The following SLC39A11 variants were observed in gnomAD, a reference collection of about 807,000 sequenced individuals.
SLC39A11 encodes solute carrier family 39 member 11.
A neutral mutation model predicts 36.1 loss-of-function variants in SLC39A11; 33 were observed. The ratio of observed to expected loss-of-function variants is 0.91; its 90% confidence interval spans 0.69 to 1.22. The LOEUF is 1.22. Among genes scored for constraint, SLC39A11 ranks in the 50% most tolerant of loss-of-function variants. SLC39A11 has a pLI of 0.00. For missense variants in SLC39A11, 432 were observed against 430.3 expected, an observed-to-expected ratio of 1.00 and a Z score of -0.03; for synonymous variants, 166 against 170.3, an observed-to-expected ratio of 0.97 and a Z score of 0.20.
chr17:72,931,179 G>A (rs1002736298), intron 5 of SLC39A11, among the ~76,000 whole-genome samples: 5 of 152,220 alleles, frequency 3.3e-5, no homozygotes, highest in Admixed American at 3.3e-4. Flanking sequence ...GAGAGGTACA[G>A]AGAGAGCTGC....
intron 7 of SLC39A11, among the ~76,000 whole-genome samples, chr17:72,708,025 T>C (rs987324746): frequency 6.6e-6 from 1 of 152,226 alleles, no homozygotes; most frequent in African/African-American, 2.4e-5. Flanking sequence ...GCCAAGTCCA[T>C]TGTACAGAAC....
intron 7 of SLC39A11, among the ~76,000 whole-genome samples, chr17:72,700,161 A>G (rs1399997122): frequency 6.6e-6 from 1 of 152,228 alleles, no homozygotes; most frequent in Non-Finnish European, 1.5e-5. Context: ...GGAGATGGGC[A>G]AAGTTTGGGT....
chr17:72,803,771 C>T (rs1447173998), intron 6 of SLC39A11, among the ~76,000 whole-genome samples: 2 of 152,124 alleles, frequency 1.3e-5, no homozygotes, highest in Non-Finnish European at 2.9e-5. Flanking sequence ...CCCTTCATCC[C>T]CTAGGCCTAA....
intron 5 of SLC39A11, 144 bp downstream of exon 5, chr17:72,947,608 G>A: frequency 2.5e-6 from 3 of 1,211,466 alleles, no homozygotes; most frequent in Non-Finnish European, 3.6e-6. Flanking sequence ...GCTCCATGCA[G>A]TAGTAGGGTG....
intron 6 of SLC39A11, among the ~76,000 whole-genome samples, chr17:72,749,272 G>A (rs185238099): frequency 1.3e-5 from 2 of 152,306 alleles, no homozygotes; most frequent in Admixed American, 1.3e-4. Context: ...AAGCCGTGGT[G>A]TAGAAAAGCT....
intron 3 of SLC39A11, among the ~76,000 whole-genome samples, chr17:73,038,087 G>C (rs2058982140): frequency 6.6e-6 from 1 of 151,956 alleles, no homozygotes; most frequent in African/African-American, 2.4e-5. Flanking sequence ...AGCCAGACAT[G>C]GTGGCACACA....
chr17:72,789,036 A>C (rs1189474838), intron 6 of SLC39A11, among the ~76,000 whole-genome samples: 5 of 151,896 alleles, frequency 3.3e-5, no homozygotes, highest in Non-Finnish European at 4.4e-5. Context: ...AGAGAGGACA[A>C]AGGCTTTTTT....
intron 4 of SLC39A11, among the ~76,000 whole-genome samples, chr17:73,012,462 G>A (rs563013704): frequency 2.7e-4 from 41 of 151,600 alleles, no homozygotes; most frequent in African/African-American, 8.2e-4. Context: ...ACAAAGGATC[G>A]ACTGAATAAG....
intron 5 of SLC39A11, among the ~76,000 whole-genome samples, chr17:72,878,358 C>T (rs890556814): frequency 6.6e-6 from 1 of 152,148 alleles, no homozygotes; most frequent in African/African-American, 2.4e-5. Flanking sequence ...AAAAAGACAG[C>T]CCATTAGGGT....
chr17:73,015,401 T>C lies in SLC39A11; in HGVS notation c.306+16155A>G, dbSNP rs764135874. On this transcript the variant is annotated intron_variant, in intron 4 of 9. Transcript: ENST00000255559. The stretch of plus-strand genomic sequence containing the variant: ...CACCACTGGATAACGTCACGACCTA[T>C]GCAAAAATCCCAAACTTCTCTCTGA... 3.3e-5 allele frequency among the ~76,000 whole-genome samples: 5 copies of C among 152,186 alleles called. No homozygotes were observed. In the South Asian group the frequency reaches 6.2e-4, roughly 19 times the overall value.
At chr17:72,799,464 T>C (rs1016923064) in intron 6 of SLC39A11, among the ~76,000 whole-genome samples, 1 of 152,184 alleles carries the variant, frequency 6.6e-6, no homozygotes, top group African/African-American at 2.4e-5. Context: ...CATATTTTTC[T>C]TCTTGCAGAG....
At chr17:72,773,066 A>G (rs1254070119) in intron 6 of SLC39A11, among the ~76,000 whole-genome samples, 4 of 152,336 alleles carry the variant, frequency 2.6e-5, no homozygotes, top group South Asian at 2.1e-4. Flanking sequence ...ATCTTGGGCG[A>G]CAAGAGTGAA....
chr17:73,014,705 C>T (rs1296457516), intron 4 of SLC39A11, among the ~76,000 whole-genome samples: 1 of 152,226 alleles, frequency 6.6e-6, no homozygotes, highest in East Asian at 1.9e-4. Flanking sequence ...GCCCACGTTG[C>T]TTCACCAAGT....
chr17:73,011,773 T>C (rs1460929007), intron 4 of SLC39A11, among the ~76,000 whole-genome samples: 1 of 150,748 alleles, frequency 6.6e-6, no homozygotes, highest in African/African-American at 2.4e-5. Context: ...GCAATTCTCC[T>C]GCCTCAGCTT....
intron 7 of SLC39A11, among the ~76,000 whole-genome samples, chr17:72,680,993 T>C (rs538491331): frequency 2.1e-4 from 32 of 152,238 alleles, no homozygotes; most frequent in Admixed American, 1.1e-3. Flanking sequence ...CCAGGCTGGA[T>C]TGCAGTAGCA....
Position 72,736,680 on chromosome 17 carries a change from TTTTC to T in SLC39A11, c.637_640del (p.Glu213ArgfsTer48). ...ACTCTCAAAGGTAGCAGATGCCGTC[TTTTC>T]TATAGCCCCAAATCCAACTCCAACA... On this transcript the variant is annotated frameshift_variant, in exon 7 of 10. Transcript: ENST00000255559. LOFTEE classifies it high-confidence loss of function. The T allele has an allele frequency of 6.2e-7, 1 of 1,614,052 alleles. No homozygotes were observed. The highest frequency in any genetic ancestry group is 8.5e-7 in the Non-Finnish European group (1 of 1,179,984).
In SLC39A11 at chr17:73,037,191, C is replaced by T. The variant is rs554148948; in HGVS notation, c.148-5477G>A. Among the ~76,000 whole-genome samples, 61 of 152,282 alleles carry T rather than the reference C, an allele frequency of 4.0e-4. 1 individual carries two copies. The highest frequency in any genetic ancestry group is 1.2e-3 in the African/African-American group (50 of 41,552). ...TATGAATAAAGTGGCTATAAACACC[C>T]GTGTGCAGGTATTGGTGTGGACTGG... is the stretch of plus-strand genomic sequence containing the variant. On this transcript the variant is annotated intron_variant, in intron 3 of 9. Coordinates refer to ENST00000255559, the MANE Select transcript of SLC39A11 (RefSeq NM_139177.4).
chr17:72,824,043 A>AAAC (rs375413352), intron 6 of SLC39A11, among the ~76,000 whole-genome samples: 3 of 151,310 alleles, frequency 2.0e-5, no homozygotes, highest in Admixed American at 6.6e-5. Flanking sequence ...GCACAAAAAA[A>AAAC]CATAAAATTC....
intron 4 of SLC39A11, among the ~76,000 whole-genome samples, chr17:73,017,510 C>T (rs894657039): frequency 6.6e-6 from 1 of 152,042 alleles, no homozygotes; most frequent in Non-Finnish European, 1.5e-5. Context: ...GTTAGGAGTT[C>T]GAGACCAGCC....
Sources: gnomAD v4.1 joint callset for allele counts (sites outside exome capture counted in the v4.1 genomes callset) on GRCh38, gnomAD v4.1.1 for gene constraint, MANE v1.5 for transcripts, NCBI Gene and HGNC (gene_info 2026-07-23, HGNC 2026-07-21) for gene names.